The following ZNF584 variants were observed in gnomAD, a reference collection of about 807,000 sequenced individuals.
ZNF584 encodes the protein zinc finger protein 584.
Under a neutral mutation model 14.7 loss-of-function variants are expected in ZNF584, and 12 were observed. The ratio of observed to expected loss-of-function variants is 0.82; its 90% CI spans 0.52 to 1.32. ZNF584 has a LOEUF of 1.32. Ranked by LOEUF, ZNF584 falls within the 40% of genes most tolerant of loss-of-function variation. The pLI, the probability that ZNF584 is intolerant of heterozygous loss-of-function variation, is 0.00. For missense variants in ZNF584, 478 were observed against 518.8 expected (o/e 0.92, Z 0.76); for synonymous variants, 204 against 190.9 (o/e 1.07, Z -0.57).
intron 2 of ZNF584, among the ~76,000 whole-genome samples, chr19:58,410,647 G>GTA (rs1202119449): frequency 3.9e-5 from 1 of 25,900 alleles, no homozygotes; most frequent in African/African-American, 4.8e-4. Flanking sequence ...ATATATATGT[G>GTA]TATATATGTG....
In ZNF584 at chr19:58,417,396, T is replaced by C. The variant is rs1426586808; in HGVS notation, c.878T>C (p.Ile293Thr). 6.2e-7 allele frequency: 1 copy of C among 1,605,996 alleles called. No individual in the cohort carries two copies. The highest frequency in any genetic ancestry group is 8.5e-7 in the Non-Finnish European group (1 of 1,173,642). The change falls in exon 4 of 4, where the codon ATT (isoleucine) becomes ACT (threonine). Residue 293 changes from isoleucine to threonine, a missense_variant. Transcript: ENST00000306910. ...STLIRHRKVH[I>T]GERPYECTEC... is the part of the protein sequence containing the mutation. ...CTCATTCGGCACCGGAAAGTGCACA[T>C]TGGAGAAAGGCCCTATGAGTGTACA... is the stretch of plus-strand genomic sequence containing the variant.
upstream of ZNF584, among the ~76,000 whole-genome samples, chr19:58,407,692 A>G (rs1016237785): frequency 1.3e-4 from 20 of 152,212 alleles, no homozygotes; most frequent in Admixed American, 2.0e-4. Flanking sequence ...GCACCACTTC[A>G]GGTAGAAGCT....
chr19:58,409,877 G>A (rs951992982), intron 1 of ZNF584, 64 bp from the exon 2 acceptor site: 2 of 1,600,296 alleles, frequency 1.2e-6, no homozygotes, highest in African/African-American at 2.7e-5. Context: ...TACAGGTCAA[G>A]GGCCTGAATG....
chr19:58,410,595 ATATATATG>A lies in ZNF584; in HGVS notation c.169+512_169+519del, dbSNP rs1225955706. On this transcript the variant is annotated intron_variant, in intron 2 of 3. Coordinates refer to ENST00000306910, the MANE Select transcript of ZNF584 (RefSeq NM_173548.3). ...TATGTATATATATGTATATATATGT[ATATATATG>A]TATATATATGTGTATATATGTGTAT... 1.4e-4 allele frequency among the ~76,000 whole-genome samples: 5 copies of A among 35,094 alleles called. 1 individual carries two copies. The highest frequency in any genetic ancestry group is 2.9e-4 in the African/African-American group (1 of 3,494). 23.0% of individuals were successfully genotyped at this position (35,094 alleles called of 152,430 possible).
intron 1 of ZNF584, among the ~76,000 whole-genome samples, chr19:58,402,076 GT>G (rs971274594): frequency 1.3e-4 from 19 of 151,486 alleles, no homozygotes; most frequent in Admixed American, 2.0e-4. Flanking sequence ...GTTTGGGGGG[GT>G]AAAGTGTTTT....
At chr19:58,410,548 T>TTTTTTTTTTTTTTTTTTTTGAG (rs1568584390) in intron 2 of ZNF584, among the ~76,000 whole-genome samples, 1 of 63,546 alleles carries the variant, frequency 1.6e-5, no homozygotes, top group Non-Finnish European at 2.7e-5. Context: ...TATATATATA[T>TTTTTTTTTTTTTTTTTTTTGAG]ATATATATAT....
chr19:58,417,699 G>T lies in ZNF584; in HGVS notation c.1181G>T (p.Ser394Ile). Residue 394 changes from serine (S) to isoleucine (I), a missense_variant, in exon 4 of 4, where the codon AGT (serine) becomes ATT (isoleucine). This residue lies in a region of ZNF584 where 283 missense variants were observed against 317.3 expected (regional missense o/e 0.89). Coordinates refer to ENST00000306910, the MANE Select transcript of ZNF584 (RefSeq NM_173548.3). The part of the protein sequence containing the change: ...CTECGKAFKH[S>I]STLLQHKKVH... ...GAGTGTGGGAAGGCCTTCAAACATAGTTCCACCCTCCTTCAGCACAAGAAA... is the reference window on the plus strand; with the variant it reads ...GAGTGTGGGAAGGCCTTCAAACATATTTCCACCCTCCTTCAGCACAAGAAA... 1.2e-6 allele frequency: 2 copies of T among 1,614,174 alleles called. No individual in the cohort carries two copies. Among genetic ancestry groups the T allele is most frequent in the Non-Finnish European group, 1.7e-6 (2 of 1,180,030 alleles).
In ZNF584 at chr19:58,408,690, A is replaced by C; in HGVS notation, c.-458A>C. 11 of 158,280 alleles carry C rather than the reference A, an allele frequency of 6.9e-5. No homozygotes were observed. Among genetic ancestry groups the C allele is most frequent in the East Asian group, 3.5e-4 (2 of 5,672 alleles). 9.8% of individuals were successfully genotyped at this position (158,280 alleles called of 1,614,324 possible). A position where few individuals can be genotyped will look rare whatever the true frequency, so the allele number is the denominator to read the frequency against. On this transcript the variant is annotated 5_prime_UTR_variant, in exon 1 of 4. It removes an upstream start codon present in the reference 5' UTR. Transcript: ENST00000306910. ...AGCCGCGCCGCGAGGAGAGCCGGGA[A>C]TGGAGGTCGTGGCGTGAGGGGCGCC...
chr19:58,405,092 GCTC>G (rs2052457723), upstream of ZNF584: 1 of 139,152 alleles, frequency 7.2e-6, no homozygotes. Context: ...GGGCAGAGGG[GCTC>G]CTCACTTCCC....
At chr19:58,403,507 CAGTG>C (rs1249101205) in intron 1 of ZNF584, among the ~76,000 whole-genome samples, 3 of 104,952 alleles carry the variant, frequency 2.9e-5, no homozygotes, top group African/African-American at 1.1e-4. Context: ...GCCAGGGACT[CAGTG>C]GGAGGGAGGG....
chr19:58,412,450 C>G (rs1305795684), intron 2 of ZNF584, among the ~76,000 whole-genome samples: 5 of 151,686 alleles, frequency 3.3e-5, no homozygotes, highest in Admixed American at 6.6e-5. Context: ...ACCTCATGAT[C>G]CACTCGCCTC....
chr19:58,415,741 G>A (rs1164115333), intron 3 of ZNF584, 95 bp downstream of exon 3: 3 of 1,611,688 alleles, frequency 1.9e-6, no homozygotes, highest in Non-Finnish European at 2.5e-6. Context: ...TGAGGGCAGT[G>A]ACCATACCTT....
chr19:58,415,516 A>G lies in ZNF584; in HGVS notation c.170-8A>G. 6.2e-7 allele frequency: 1 copy of G among 1,608,264 alleles called. No homozygotes were observed. Among genetic ancestry groups the G allele is most frequent in the Non-Finnish European group, 8.5e-7 (1 of 1,175,558 alleles). On this transcript the variant is annotated splice_region_variant and splice_polypyrimidine_tract_variant and intron_variant, in intron 2 of 3. Transcript: ENST00000306910. Reference sequence around the variant, plus strand: ...CAGCCTGTTTCTTTTACTACCTGTCACCCGCAGGACTTGCACCTTCGAGAT... The same window carrying G: ...CAGCCTGTTTCTTTTACTACCTGTCGCCCGCAGGACTTGCACCTTCGAGAT...
upstream of ZNF584, chr19:58,406,440 A>G (rs1175825901): frequency 6.6e-6 from 1 of 151,840 alleles, no homozygotes; most frequent in African/African-American, 2.4e-5. Context: ...TTATGGGATG[A>G]CCAGTGTCTT....
intron 2 of ZNF584, among the ~76,000 whole-genome samples, chr19:58,414,924 G>A (rs1391549983): frequency 1.3e-5 from 2 of 151,098 alleles, no homozygotes; most frequent in South Asian, 2.1e-4. Context: ...ACAGAGTCTC[G>A]CACTGTCGCC....
chr19:58,410,615 GTA>G lies in ZNF584; in HGVS notation c.169+530_169+531del, dbSNP rs1250472366. Among the ~76,000 whole-genome samples the G allele has an allele frequency of 4.3e-3, 182 of 42,218 alleles. 18 individuals are homozygous for G. The East Asian group carries it at 0.064, about 15-fold the overall frequency. The allele number at this position is 42,218 out of a possible 152,430, so 27.7% of individuals were successfully genotyped here. A position where few individuals can be genotyped will look rare whatever the true frequency, so the allele number is the denominator to read the frequency against. ...TATGTATATATATGTATATATATGT[GTA>G]TATATGTGTATATATGTGTATATAT... is the stretch of plus-strand genomic sequence containing the variant. On this transcript the variant is annotated intron_variant, in intron 2 of 3. Coordinates refer to ENST00000306910, the MANE Select transcript of ZNF584 (RefSeq NM_173548.3).
chr19:58,417,005 G>T lies in ZNF584; in HGVS notation c.487G>T (p.Asp163Tyr), dbSNP rs1367378256. Residue 163 changes from aspartate to tyrosine, a missense_variant, in exon 4 of 4, where the codon GAC becomes TAC. By Grantham distance (160) the Asp-to-Tyr change is radical. This residue lies in a region of ZNF584 where 6 missense variants were observed against 23.5 expected (regional missense o/e 0.26). Transcript: ENST00000306910. Reference sequence around the variant, plus strand: ...GGCAGAGAAGCTGTTCAAATGCAGTGACTGTGGGAAGGTGTTCTTAAAGGC... The same window carrying T: ...GGCAGAGAAGCTGTTCAAATGCAGTTACTGTGGGAAGGTGTTCTTAAAGGC... ...HVAEKLFKCS[D>Y]CGKVFLKAFA... 4 of 1,610,882 alleles carry T rather than the reference G, an allele frequency of 2.5e-6. No individual in the cohort carries two copies. The highest frequency in any genetic ancestry group is 3.4e-6 in the Non-Finnish European group (4 of 1,178,150).
At chr19:58,401,885 CAAAAAA>C (rs781429177) in intron 1 of ZNF584, among the ~76,000 whole-genome samples, 3 of 67,036 alleles carry the variant, frequency 4.5e-5, no homozygotes, top group African/African-American at 2.0e-4. Flanking sequence ...TGAGACTCCT[CAAAAAA>C]AAAAAAAAAA....
chr19:58,412,644 A>C (rs1004315206), intron 2 of ZNF584, among the ~76,000 whole-genome samples: 3 of 152,162 alleles, frequency 2.0e-5, no homozygotes, highest in African/African-American at 7.2e-5. Flanking sequence ...ATTGAGTATG[A>C]GGGTAATTTT....
Sources: allele counts gnomAD v4.1 joint callset (sites outside exome capture counted in the v4.1 genomes callset), GRCh38; gene constraint gnomAD v4.1.1; regional missense constraint gnomAD v4.1.1; transcripts MANE v1.5; gene names NCBI Gene and HGNC (gene_info 2026-07-23, HGNC 2026-07-21).